The following SCN2A variants were observed in gnomAD, a reference collection of about 807,000 sequenced individuals.
SCN2A encodes sodium voltage-gated channel alpha subunit 2, also known as sodium channel protein type 2 subunit alpha.
In SCN2A, 20 loss-of-function variants were observed where a neutral mutation model predicts 188.7. That is an observed-to-expected ratio of 0.11 (90% CI 0.07 to 0.15). The LOEUF (loss-of-function observed/expected upper bound fraction) is 0.15, where lower values mean the gene tolerates loss of function less well. Ranked by LOEUF, SCN2A falls within the 10% of genes least tolerant of loss-of-function variation. The pLI, the probability that SCN2A is intolerant of heterozygous loss-of-function variation, is 1.00. For missense variants in SCN2A, 1,278 were observed against 2,445.0 expected (o/e 0.52, Z 10.07); for synonymous variants, 804 against 833.1 (o/e 0.97, Z 0.60).
intron 16 of SCN2A, among the ~76,000 whole-genome samples, chr2:165,352,320 T>C (rs1280763801): frequency 6.6e-6 from 1 of 152,022 alleles, no homozygotes; most frequent in African/African-American, 2.4e-5. Context: ...GACTGACAGA[T>C]TGTCAGTACA....
chr2:165,364,375 G>GAT (rs1432498244), intron 17 of SCN2A, among the ~76,000 whole-genome samples: 1 of 152,134 alleles, frequency 6.6e-6, no homozygotes, highest in Admixed American at 6.6e-5. Flanking sequence ...TGCATTTCAA[G>GAT]ATATAAAACA....
intron 16 of SCN2A, among the ~76,000 whole-genome samples, chr2:165,349,048 T>C (rs1344371661): frequency 2.6e-5 from 4 of 152,244 alleles, no homozygotes; most frequent in Non-Finnish European, 5.9e-5. Flanking sequence ...AAATGTTTGC[T>C]TTCAGAAAAG....
Position 165,307,839 on chromosome 2 carries a change from A to G in SCN2A, c.387-9A>G. The G allele has an allele frequency of 6.3e-7, 1 of 1,589,830 alleles. No individual in the cohort carries two copies. Among genetic ancestry groups the G allele is most frequent in the Non-Finnish European group, 8.6e-7 (1 of 1,158,096 alleles). ...CCATTGAACTTTGTCTTCCTTGACGATATTCTACTTTATTCAATATGCTCA... is the reference window on the plus strand; with the variant it reads ...CCATTGAACTTTGTCTTCCTTGACGGTATTCTACTTTATTCAATATGCTCA... On this transcript the variant is annotated splice_polypyrimidine_tract_variant and intron_variant, in intron 3 of 26. Transcript: ENST00000375437.
At chr2:165,344,332 T>G (rs1197717813) in intron 15 of SCN2A, among the ~76,000 whole-genome samples, 5 of 152,112 alleles carry the variant, frequency 3.3e-5, no homozygotes, top group African/African-American at 1.2e-4. Flanking sequence ...ATTCTATAAT[T>G]GAGACAGTTA....
At chr2:165,366,717 C>A (rs374358036) in intron 18 of SCN2A, among the ~76,000 whole-genome samples, 582 of 125,380 alleles carry the variant, frequency 4.6e-3, no homozygotes, top group Non-Finnish European at 4.9e-3. Flanking sequence ...GACTCCCTCT[C>A]AAAAAAAAAA....
chr2:165,274,072 C>T (rs902386645), intron 1 of SCN2A: 5 of 152,038 alleles, frequency 3.3e-5, no homozygotes, highest in Non-Finnish European at 7.4e-5. Flanking sequence ...GAGTTCCAGA[C>T]ATACTTTTAA....
chr2:165,254,780 T>A (rs180755887), intron 1 of SCN2A, among the ~76,000 whole-genome samples: 3 of 151,782 alleles, frequency 2.0e-5, no homozygotes, highest in Admixed American at 6.6e-5. Flanking sequence ...AATGAATTCA[T>A]GTCTTCTACA....
Position 165,354,375 on chromosome 2 carries a change from G to T in SCN2A, c.3103G>T (p.Ala1035Ser). 1 of 1,613,996 alleles carries T rather than the reference G, an allele frequency of 6.2e-7. No homozygotes were observed. The highest frequency in any genetic ancestry group is 8.5e-7 in the Non-Finnish European group (1 of 1,179,936). The change falls in exon 17 of 27, where the codon GCT (alanine) becomes TCT (serine). Residue 1035 changes from alanine (A) to serine (S), a missense_variant. This residue lies in a region of SCN2A where 228 missense variants were observed against 297.3 expected (regional missense o/e 0.77). Coordinates refer to ENST00000375437, the MANE Select transcript of SCN2A (RefSeq NM_001040142.2). ...GAAAGCCTTTGTTAGGAAGCAGAAAGCTTTAGATGAAATTAAACCGCTTGA... is the reference window on the plus strand; with the variant it reads ...GAAAGCCTTTGTTAGGAAGCAGAAATCTTTAGATGAAATTAAACCGCTTGA... ...IQKAFVRKQKALDEIKPLEDL... is the reference protein window; with the variant it reads ...IQKAFVRKQKSLDEIKPLEDL...
At chr2:165,312,139 A>G in intron 8 of SCN2A, 51 bp downstream of exon 8, 5 of 1,345,736 alleles carry the variant, frequency 3.7e-6, no homozygotes, top group Non-Finnish European at 5.3e-6. Context: ...CATCAGTGTC[A>G]ATAACCTGCC....
intron 3 of SCN2A, among the ~76,000 whole-genome samples, chr2:165,302,756 T>A (rs775691129): frequency 1.7e-4 from 26 of 152,174 alleles, no homozygotes; most frequent in Admixed American, 3.3e-4. Flanking sequence ...TGGTGCTTCA[T>A]CCTCGCTCCA....
At chr2:165,262,792 T>C (rs970159757) in intron 1 of SCN2A, among the ~76,000 whole-genome samples, 1 of 152,184 alleles carries the variant, frequency 6.6e-6, no homozygotes, top group South Asian at 2.1e-4. Context: ...GATCAAATGG[T>C]AATATCTACT....
At chr2:165,243,555 T>G (rs1215128233) in intron 1 of SCN2A, among the ~76,000 whole-genome samples, 1 of 151,158 alleles carries the variant, frequency 6.6e-6, no homozygotes, top group Non-Finnish European at 1.5e-5. Flanking sequence ...TGAGCTGAGA[T>G]TGCGCCACTG....
intron 17 of SCN2A, among the ~76,000 whole-genome samples, 198 bp from the exon 18 acceptor site, chr2:165,364,945 G>GA (rs1245663648): frequency 6.6e-6 from 1 of 151,262 alleles, no homozygotes; most frequent in African/African-American, 2.4e-5. Context: ...ATATTTTAAA[G>GA]AAAAAAAATA....
chr2:165,241,621 T>C (rs1693626787), intron 1 of SCN2A, among the ~76,000 whole-genome samples: 1 of 152,162 alleles, frequency 6.6e-6, no homozygotes, highest in African/African-American at 2.4e-5. Context: ...AAGAAATAAT[T>C]AGTCAAGGAG....
At chr2:165,325,579 A>G (rs1698312314) in intron 12 of SCN2A, among the ~76,000 whole-genome samples, 1 of 152,168 alleles carries the variant, frequency 6.6e-6, no homozygotes, top group Admixed American at 6.5e-5. Context: ...AGGTTTGTAC[A>G]TGTGCTTCTG....
At chr2:165,257,507 GTTTTGTTGTTGTTGT>G (rs1020216822) in intron 1 of SCN2A, among the ~76,000 whole-genome samples, 8 of 152,070 alleles carry the variant, frequency 5.3e-5, no homozygotes, top group African/African-American at 1.7e-4. Flanking sequence ...TTGTTTCTGT[GTTTTGTTGTTGTTGT>G]TTTTGTTGTT....
chr2:165,259,115 C>CTATA (rs35671589), intron 1 of SCN2A, among the ~76,000 whole-genome samples: 2 of 152,218 alleles, frequency 1.3e-5, no homozygotes, highest in Non-Finnish European at 2.9e-5. Flanking sequence ...TTACACTATA[C>CTATA]TATAGTTTAT....
chr2:165,340,644 A>G (rs1031339911), intron 14 of SCN2A, among the ~76,000 whole-genome samples: 8 of 152,332 alleles, frequency 5.3e-5, no homozygotes, highest in African/African-American at 1.7e-4. Flanking sequence ...ATAAAAATGT[A>G]ACTTATTATA....
chr2:165,309,567 G>A lies in SCN2A; in HGVS notation c.697+124G>A, dbSNP rs41268659. The A allele has an allele frequency of 7.1e-3, 8,249 of 1,157,452 alleles. 49 individuals carry two copies. Among genetic ancestry groups the A allele is most frequent in the Non-Finnish European group, 8.8e-3 (6,958 of 786,638 alleles). 71.7% of individuals were successfully genotyped at this position (1,157,452 alleles called of 1,614,324 possible). ...TAAATATGTAAAAAAGCAAGAATTG[G>A]TACATCATTTTTTGGATGGATTTGA... On this transcript the variant is annotated intron_variant, in intron 6 of 26. Transcript: ENST00000375437.
Sources: allele counts gnomAD v4.1 joint callset (sites outside exome capture counted in the v4.1 genomes callset), GRCh38; gene constraint gnomAD v4.1.1; regional missense constraint gnomAD v4.1.1; transcripts MANE v1.5; gene names NCBI Gene and HGNC (gene_info 2026-07-23, HGNC 2026-07-21).